COL22A1: variants seen among roughly 807,000 people sequenced by gnomAD.
The protein encoded by COL22A1 is collagen alpha-1(XXII) chain.
A neutral mutation model predicts 248.9 loss-of-function variants in COL22A1; 221 were observed. That is an observed-to-expected ratio of 0.89 (90% CI 0.80 to 0.99). COL22A1 has a LOEUF of 0.99. Among genes scored for constraint, COL22A1 ranks in the 50% least tolerant of loss-of-function variants. The pLI is 0.00. For synonymous variants in COL22A1, 891 were observed against 793.4 expected (o/e 1.12, Z -2.07); for missense variants, 2,240 against 2,179.0 (o/e 1.03, Z -0.56).
In COL22A1 at chr8:138,760,257, G is replaced by T. The variant is rs1437620865; in HGVS notation, c.1888C>A (p.Pro630Thr). 9.4e-6 allele frequency: 15 copies of T among 1,590,420 alleles called. No homozygotes were observed. Among genetic ancestry groups the T allele is most frequent in the Non-Finnish European group, 1.2e-5 (14 of 1,168,982 alleles). The stretch of plus-strand genomic sequence containing the variant: ...GGCTCGCTCACCTTTTCTCCCTGGG[G>T]TCCTGCCACACCAGAAGGGCCGGGC... The part of the protein sequence containing the change: ...GRPGPSGVAG[P>T]QGEKGDVGPA... Residue 630 changes from proline to threonine, a missense_variant, in exon 18 of 65, where the codon CCC (proline) becomes ACC (threonine). Transcript: ENST00000303045.
intron 48 of COL22A1, 64 bp downstream of exon 48, chr8:138,636,678 G>A (rs765931318): frequency 1.7e-6 from 2 of 1,188,272 alleles, no homozygotes; most frequent in Non-Finnish European, 2.5e-6. Flanking sequence ...TACAATGGAA[G>A]CCACCTGGGA....
chr8:138,742,243 G>T (rs1047806113), intron 22 of COL22A1, among the ~76,000 whole-genome samples: 30 of 150,022 alleles, frequency 2.0e-4, no homozygotes, highest in Non-Finnish European at 3.7e-4. Context: ...TGGTGATGAT[G>T]GTGGTGATGG....
At chr8:138,616,992 G>T in intron 53 of COL22A1, 34 bp from the exon 54 acceptor site, 1 of 1,613,638 alleles carries the variant, frequency 6.2e-7, no homozygotes, top group Non-Finnish European at 8.5e-7. Flanking sequence ...TTCCATGATA[G>T]AGCAGGCTCT....
chr8:138,646,075 G>T (rs184786584), intron 47 of COL22A1, among the ~76,000 whole-genome samples: 20 of 152,250 alleles, frequency 1.3e-4, no homozygotes, highest in Admixed American at 9.2e-4. Context: ...GAGCTTCCCT[G>T]CCTATTTTGG....
intron 1 of COL22A1, among the ~76,000 whole-genome samples, chr8:138,908,348 A>G (rs570694762): frequency 6.6e-6 from 1 of 152,372 alleles, no homozygotes; most frequent in Middle Eastern, 3.4e-3. Flanking sequence ...TTGGGGGATA[A>G]GAACTCAGAA....
chr8:138,637,110 G>A (rs56013505), intron 47 of COL22A1, among the ~76,000 whole-genome samples: 2,665 of 152,256 alleles, frequency 0.018, 49 homozygotes, highest in Middle Eastern at 0.034. Context: ...TTAGTTGTAG[G>A]CACTGGAAAC....
intron 6 of COL22A1, among the ~76,000 whole-genome samples, chr8:138,823,928 T>G (rs572744033): frequency 3.9e-5 from 6 of 152,296 alleles, no homozygotes; most frequent in Middle Eastern, 3.4e-3. Flanking sequence ...GTCTCTGTAG[T>G]TAAAGGAAGG....
chr8:138,910,670 A>G (rs1354740445), intron 1 of COL22A1, among the ~76,000 whole-genome samples: 2 of 151,966 alleles, frequency 1.3e-5, no homozygotes, highest in Non-Finnish European at 2.9e-5. Context: ...GAACTTTCCT[A>G]CCCTAAAACA....
chr8:138,627,051 A>G (rs1481656106), intron 50 of COL22A1, among the ~76,000 whole-genome samples: 1 of 152,206 alleles, frequency 6.6e-6, no homozygotes, highest in Non-Finnish European at 1.5e-5. Flanking sequence ...CACATGCCAC[A>G]CAAAACGAGG....
chr8:138,619,968 A>C (rs1314156972), intron 52 of COL22A1: 1 of 177,056 alleles, frequency 5.6e-6, no homozygotes, highest in African/African-American at 2.4e-5. Context: ...GCTGAGCGCC[A>C]CACCTAAGCG....
intron 52 of COL22A1, among the ~76,000 whole-genome samples, chr8:138,621,204 G>A (rs545599267): frequency 6.6e-6 from 1 of 152,300 alleles, no homozygotes; most frequent in South Asian, 2.1e-4. Context: ...AGCAGTTCCT[G>A]CATAGGTTGA....
intron 7 of COL22A1, among the ~76,000 whole-genome samples, chr8:138,813,602 C>A (rs964898494): frequency 6.6e-6 from 1 of 152,142 alleles, no homozygotes; most frequent in Admixed American, 6.5e-5. Context: ...TAAGGGAGAG[C>A]CCCCGTGCAA....
At chr8:138,614,765 G>A (rs569101118) in intron 55 of COL22A1, among the ~76,000 whole-genome samples, 1 of 152,166 alleles carries the variant, frequency 6.6e-6, no homozygotes, top group Non-Finnish European at 1.5e-5. Context: ...TGTATGCACA[G>A]GGCTCCACAC....
chr8:138,813,637 CAGCGTTT>C, intron 7 of COL22A1, among the ~76,000 whole-genome samples: 1 of 59,778 alleles, frequency 1.7e-5, no homozygotes, highest in East Asian at 3.8e-4. Context: ...CGTTAAAGTC[CAGCGTTT>C]CGTTCTACAC....
chr8:138,794,759 C>T (rs548939741), intron 12 of COL22A1, among the ~76,000 whole-genome samples: 94 of 152,212 alleles, frequency 6.2e-4, no homozygotes, highest in Non-Finnish European at 1.1e-3. Flanking sequence ...TCATTTTTGA[C>T]AACATGAATG....
At chr8:138,736,593 G>A (rs956503068) in intron 23 of COL22A1, among the ~76,000 whole-genome samples, 4 of 152,042 alleles carry the variant, frequency 2.6e-5, no homozygotes, top group Non-Finnish European at 5.9e-5. Flanking sequence ...TAGATGGGTG[G>A]GTGTCAGGAT....
At chr8:138,684,388 C>A (rs1397121315) in intron 39 of COL22A1, 37 bp downstream of exon 39, 36 of 1,471,774 alleles carry the variant, frequency 2.4e-5, no homozygotes, top group Middle Eastern at 1.7e-4. Context: ...CAAACGGCAA[C>A]TCGTGGCACC....
chr8:138,605,668 A>G (rs746217367), intron 58 of COL22A1, among the ~76,000 whole-genome samples: 4 of 152,142 alleles, frequency 2.6e-5, no homozygotes, highest in Non-Finnish European at 5.9e-5. Flanking sequence ...GTTACATGCA[A>G]GCCTCATTCA....
At chr8:138,689,167 G>T (rs1016135098) in intron 36 of COL22A1, among the ~76,000 whole-genome samples, 197 bp from the exon 37 acceptor site, 2 of 151,506 alleles carry the variant, frequency 1.3e-5, no homozygotes, top group African/African-American at 2.4e-5. Flanking sequence ...CCGGGGGGGG[G>T]GCTGGCCTTG....
Sources: allele counts gnomAD v4.1 joint callset (sites outside exome capture counted in the v4.1 genomes callset), GRCh38; gene constraint gnomAD v4.1.1; transcripts MANE v1.5; gene names NCBI Gene and HGNC (gene_info 2026-07-23, HGNC 2026-07-21).